Variants in CEP85L observed in about 807,000 individuals in gnomAD.
CEP85L encodes the protein centrosomal protein of 85 kDa-like.
A neutral mutation model predicts 100.3 loss-of-function variants in CEP85L; 60 were observed. That is an observed-to-expected ratio of 0.60 (90% confidence interval 0.49 to 0.74). The LOEUF is 0.74. CEP85L is among the 30% of genes least tolerant of loss of function. CEP85L has a pLI of 0.00. For missense variants in CEP85L, 973 were observed against 936.2 expected, an observed-to-expected ratio of 1.04 and a Z score of -0.51; for synonymous variants, 319 against 322.7, an observed-to-expected ratio of 0.99 and a Z score of 0.12.
At chr6:118,581,341 A>G (rs987020736) in intron 2 of CEP85L, among the ~76,000 whole-genome samples, 1 of 152,226 alleles carries the variant, frequency 6.6e-6, no homozygotes, top group African/African-American at 2.4e-5. Flanking sequence ...AGCATGGGCC[A>G]TAATAGCAGG....
At chr6:118,583,283 G>A (rs1165009714) in intron 2 of CEP85L, among the ~76,000 whole-genome samples, 1 of 152,046 alleles carries the variant, frequency 6.6e-6, no homozygotes, top group Non-Finnish European at 1.5e-5. Context: ...AGGAAGGAAG[G>A]TAGATCTCCT....
At chr6:118,626,194 A>G (rs1316763008) in intron 2 of CEP85L, among the ~76,000 whole-genome samples, 1 of 152,134 alleles carries the variant, frequency 6.6e-6, no homozygotes, top group Admixed American at 6.5e-5. Flanking sequence ...GACTTACTTC[A>G]GTTCTGGATA....
chr6:118,512,972 T>A (rs1776055261), intron 4 of CEP85L, among the ~76,000 whole-genome samples: 1 of 152,108 alleles, frequency 6.6e-6, no homozygotes, highest in Admixed American at 6.5e-5. Context: ...GGATAGTAAA[T>A]CAGTTATTAT....
chr6:118,503,522 T>C (rs9372506), intron 5 of CEP85L, among the ~76,000 whole-genome samples: 32,786 of 152,044 alleles, frequency 0.22, 4,654 homozygotes, highest in East Asian at 0.61. Flanking sequence ...GTACTGACAC[T>C]ACCCAACTTC....
chr6:118,707,587 G>A (rs549753105), intron 1 of CEP85L, among the ~76,000 whole-genome samples: 1 of 152,156 alleles, frequency 6.6e-6, no homozygotes, highest in East Asian at 1.9e-4. Context: ...TTCATTTTCT[G>A]TTATTACAAA....
At chr6:118,592,086 C>A (rs1781220202) in intron 2 of CEP85L, among the ~76,000 whole-genome samples, 1 of 152,188 alleles carries the variant, frequency 6.6e-6, no homozygotes, top group Non-Finnish European at 1.5e-5. Flanking sequence ...GGTTAAATTA[C>A]TTGACCAAGA....
At chr6:118,568,725 A>C (rs1041357140) in intron 2 of CEP85L, among the ~76,000 whole-genome samples, 2 of 152,348 alleles carry the variant, frequency 1.3e-5, no homozygotes, top group Admixed American at 1.3e-4. Context: ...TGGCAAACAC[A>C]GTGATTAACA....
chr6:118,571,094 G>C (rs1342752971), intron 2 of CEP85L, among the ~76,000 whole-genome samples: 1 of 151,894 alleles, frequency 6.6e-6, no homozygotes, highest in East Asian at 1.9e-4. Context: ...TGGGAAAAGG[G>C]TCATTATTAT....
At chr6:118,607,147 A>G (rs1245716577) in intron 2 of CEP85L, among the ~76,000 whole-genome samples, 1 of 152,136 alleles carries the variant, frequency 6.6e-6, no homozygotes, top group African/African-American at 2.4e-5. Flanking sequence ...TTAGCACCCA[A>G]TATCAAACTG....
intron 1 of CEP85L, among the ~76,000 whole-genome samples, chr6:118,705,365 T>G (rs776800086): frequency 8.5e-5 from 13 of 152,308 alleles, no homozygotes; most frequent in Non-Finnish European, 1.5e-4. Context: ...TTTTTGGGCT[T>G]GGACAATTTG....
chr6:118,491,197 AC>A (rs1774540540), intron 6 of CEP85L, among the ~76,000 whole-genome samples: 7 of 18,196 alleles, frequency 3.8e-4, no homozygotes, highest in Admixed American at 7.6e-4. Context: ...CAACATCTAT[AC>A]ACACACACAC....
chr6:118,637,703 CAAAAAA>C lies in CEP85L; in HGVS notation c.74-5098_74-5093del, dbSNP rs11388747. On this transcript the variant is annotated intron_variant, in intron 1 of 12. Coordinates refer to ENST00000368491, the MANE Select transcript of CEP85L (RefSeq NM_001042475.3). ...CCTGGGTAATAAAGCAAGACTGTCT[CAAAAAA>C]AAAAAAAAAAAAAAAAAGTTGTCTA... 1.2e-3 allele frequency among the ~76,000 whole-genome samples: 55 copies of C among 45,424 alleles called. 1 individual carries two copies. The East Asian group carries it at 0.027, about 23-fold the overall frequency. 29.8% of individuals were successfully genotyped at this position (45,424 alleles called of 152,430 possible).
At chr6:118,648,566 C>T (rs1011078369) in intron 1 of CEP85L, among the ~76,000 whole-genome samples, 5 of 151,774 alleles carry the variant, frequency 3.3e-5, no homozygotes, top group African/African-American at 1.2e-4. Flanking sequence ...ACGGTGAAAC[C>T]CCGTCTCTAC....
chr6:118,584,099 G>C (rs535955634), intron 2 of CEP85L, among the ~76,000 whole-genome samples: 1 of 152,310 alleles, frequency 6.6e-6, no homozygotes, highest in Non-Finnish European at 1.5e-5. Flanking sequence ...AGACCTCTCT[G>C]AGTTCTCTCA....
At chr6:118,563,220 C>G (rs532762252) in intron 3 of CEP85L, among the ~76,000 whole-genome samples, 8 of 152,274 alleles carry the variant, frequency 5.3e-5, no homozygotes, top group Admixed American at 2.0e-4. Flanking sequence ...GTACTACACT[C>G]CTGCACTCTT....
intron 2 of CEP85L, among the ~76,000 whole-genome samples, chr6:118,573,069 A>T (rs4946348): frequency 0.68 from 102,837 of 151,936 alleles, 35,506 homozygotes; most frequent in Middle Eastern, 0.74. Flanking sequence ...TCTCCAAAAA[A>T]AATAATAATA....
chr6:118,482,430 C>G (rs142416713), intron 7 of CEP85L, among the ~76,000 whole-genome samples: 1 of 152,152 alleles, frequency 6.6e-6, no homozygotes, highest in Non-Finnish European at 1.5e-5. Flanking sequence ...CTTAAGGTAT[C>G]TCATTAAGTG....
chr6:118,651,761 A>C (rs1775585520), upstream of CEP85L: 2 of 986,020 alleles, frequency 2.0e-6, no homozygotes, highest in South Asian at 9.4e-5. Context: ...CTTGGCGGCG[A>C]CTGGGCTGTC....
chr6:118,618,540 C>T lies in CEP85L; in HGVS notation c.232+13913G>A, dbSNP rs116051959. 3.5e-3 allele frequency among the ~76,000 whole-genome samples: 534 copies of T among 152,254 alleles called. 5 individuals carry two copies. Among genetic ancestry groups the T allele is most frequent in the African/African-American group, 0.012 (506 of 41,556 alleles). On this transcript the variant is annotated intron_variant, in intron 2 of 12. Coordinates refer to ENST00000368491, the MANE Select transcript of CEP85L (RefSeq NM_001042475.3). ...TGAATTTCCTTTTTTTGGTGCCTCT[C>T]AAGTATAATCTGTGGTGTATGGGTA...
Sources: allele counts gnomAD v4.1 joint callset (sites outside exome capture counted in the v4.1 genomes callset), GRCh38; gene constraint gnomAD v4.1.1; transcripts MANE v1.5; gene names NCBI Gene and HGNC (gene_info 2026-07-23, HGNC 2026-07-21).